SDK1: variants seen among roughly 807,000 people sequenced by gnomAD.
SDK1 encodes sidekick cell adhesion molecule 1, also known as protein sidekick-1.
Under a neutral mutation model 245.5 loss-of-function variants are expected in SDK1, and 157 were observed. The observed-to-expected ratio is 0.64, with a 90% CI of 0.56 to 0.73. SDK1 has a LOEUF of 0.73. Among genes scored for constraint, SDK1 ranks in the 30% least tolerant of loss-of-function variants. The pLI is 0.00. For missense variants in SDK1, 3,583 were observed against 3,002.3 expected (o/e 1.19, Z -4.52); for synonymous variants, 1,647 against 1,278.5 (o/e 1.29, Z -6.15).
intron 1 of SDK1, among the ~76,000 whole-genome samples, chr7:3,512,968 A>C (rs1782629341): frequency 6.6e-6 from 1 of 152,142 alleles, no homozygotes; most frequent in African/African-American, 2.4e-5. Context: ...CAATATTGCC[A>C]TTGAGATGAT....
intron 1 of SDK1, among the ~76,000 whole-genome samples, chr7:3,543,050 C>A (rs1236188291): frequency 6.6e-6 from 1 of 152,192 alleles, no homozygotes; most frequent in Non-Finnish European, 1.5e-5. Flanking sequence ...TCATCTCCAT[C>A]TGGGACAAGC....
chr7:3,940,976 G>A (rs753290971), intron 5 of SDK1, among the ~76,000 whole-genome samples: 38 of 151,824 alleles, frequency 2.5e-4, no homozygotes, highest in African/African-American at 8.9e-4. Context: ...TGGGTACCCC[G>A]CAGGCACGTC....
intron 4 of SDK1, among the ~76,000 whole-genome samples, chr7:3,714,612 C>A (rs181862381): frequency 1.1e-4 from 17 of 152,260 alleles, no homozygotes; most frequent in Non-Finnish European, 4.4e-5. Context: ...GAAAATGGTC[C>A]TGAGGCCTTC....
intron 2 of SDK1, among the ~76,000 whole-genome samples, chr7:3,627,486 T>C (rs893836019): frequency 6.6e-6 from 1 of 152,204 alleles, no homozygotes; most frequent in African/African-American, 2.4e-5. Context: ...GAGGAGATCC[T>C]GAGTTTGATT....
At chr7:3,875,900 C>T (rs75487763) in intron 5 of SDK1, among the ~76,000 whole-genome samples, 2 of 152,144 alleles carry the variant, frequency 1.3e-5, no homozygotes, top group Non-Finnish European at 2.9e-5. Flanking sequence ...CTCCTTAACT[C>T]CTACCATCAG....
At chr7:3,781,923 AC>A (rs1780757668) in intron 4 of SDK1, among the ~76,000 whole-genome samples, 2 of 152,220 alleles carry the variant, frequency 1.3e-5, no homozygotes, top group Non-Finnish European at 2.9e-5. Context: ...AGTTATGAAC[AC>A]TGTCAAGAGA....
At chr7:3,613,899 C>T (rs1163032540) in intron 1 of SDK1, among the ~76,000 whole-genome samples, 1 of 152,104 alleles carries the variant, frequency 6.6e-6, no homozygotes, top group Non-Finnish European at 1.5e-5. Flanking sequence ...ACATGTTCTC[C>T]TCCTATAAGT....
intron 4 of SDK1, among the ~76,000 whole-genome samples, chr7:3,814,193 T>C (rs1779453498): frequency 6.6e-6 from 1 of 151,594 alleles, no homozygotes; most frequent in Admixed American, 6.6e-5. Context: ...TGCCCATGCC[T>C]ATGTCCTGAA....
intron 5 of SDK1, among the ~76,000 whole-genome samples, chr7:3,913,185 C>T (rs539595848): frequency 2.6e-5 from 4 of 152,162 alleles, no homozygotes; most frequent in Admixed American, 6.5e-5. Flanking sequence ...GGAAATGCCT[C>T]CAGCTCCTGG....
intron 4 of SDK1, among the ~76,000 whole-genome samples, chr7:3,656,993 C>T (rs980091628): frequency 1.4e-4 from 22 of 151,766 alleles, no homozygotes; most frequent in African/African-American, 3.6e-4. Flanking sequence ...ATGATCCACC[C>T]GCCTCGGCCT....
At chr7:3,706,643 C>G (rs1276818259) in intron 4 of SDK1, among the ~76,000 whole-genome samples, 1 of 152,132 alleles carries the variant, frequency 6.6e-6, no homozygotes, top group Non-Finnish European at 1.5e-5. Flanking sequence ...ACCTCGTGAT[C>G]CACCCACTTT....
chr7:3,855,741 A>G (rs1043660452), intron 5 of SDK1, among the ~76,000 whole-genome samples: 4 of 152,194 alleles, frequency 2.6e-5, no homozygotes, highest in Non-Finnish European at 2.9e-5. Flanking sequence ...GAAACAAACA[A>G]AAAACTTACA....
chr7:3,970,711 T>A (rs984640664), intron 11 of SDK1, among the ~76,000 whole-genome samples: 13 of 152,230 alleles, frequency 8.5e-5, no homozygotes, highest in African/African-American at 2.9e-4. Flanking sequence ...TTTCACACAC[T>A]CTGCCCACTT....
At position 3,362,761 on chromosome 7, in the gene SDK1, T is replaced by C. The variant is rs534238832; in HGVS notation, c.298+60877T>C. On this transcript the variant is annotated intron_variant, in intron 1 of 44. Coordinates refer to ENST00000404826, the MANE Select transcript of SDK1 (RefSeq NM_152744.4). The stretch of plus-strand genomic sequence containing the variant: ...GTTTTCTTCCCGGAAGACATTTTCA[T>C]GTACCATGTAAAAGGTACTTTTTGG... 2.2e-3 allele frequency among the ~76,000 whole-genome samples: 329 copies of C among 152,328 alleles called. 5 individuals carry two copies. The highest frequency in any genetic ancestry group is 0.015 in the South Asian group (73 of 4,826).
intron 12 of SDK1, among the ~76,000 whole-genome samples, chr7:3,973,044 G>A (rs996102229): frequency 3.3e-5 from 5 of 152,040 alleles, no homozygotes; most frequent in Admixed American, 1.3e-4. Context: ...GAACCCCCTC[G>A]GATCCCTGTG....
intron 14 of SDK1, among the ~76,000 whole-genome samples, chr7:3,993,866 G>A (rs1267059631): frequency 6.6e-6 from 1 of 152,138 alleles, no homozygotes; most frequent in East Asian, 1.9e-4. Context: ...TATTGTCGTT[G>A]TTGTAAAGGA....
chr7:3,882,392 C>A (rs1368129481), intron 5 of SDK1, among the ~76,000 whole-genome samples: 4 of 152,176 alleles, frequency 2.6e-5, no homozygotes, highest in African/African-American at 7.2e-5. Context: ...CCGTATGAGC[C>A]AGGAGACCCT....
chr7:3,561,631 G>C (rs1290506246), intron 1 of SDK1, among the ~76,000 whole-genome samples: 1 of 152,122 alleles, frequency 6.6e-6, no homozygotes, highest in Non-Finnish European at 1.5e-5. Flanking sequence ...AATCAAGACT[G>C]GTTCCCTCAA....
chr7:3,962,573 C>A, intron 8 of SDK1, 84 bp from the exon 9 acceptor site: 1 of 1,177,704 alleles, frequency 8.5e-7, no homozygotes, highest in Non-Finnish European at 1.2e-6. Context: ...AAAATATTGG[C>A]ATTCTAGCCT....
Sources: gnomAD v4.1 joint callset for allele counts (sites outside exome capture counted in the v4.1 genomes callset) on GRCh38, gnomAD v4.1.1 for gene constraint, MANE v1.5 for transcripts, NCBI Gene and HGNC (gene_info 2026-07-23, HGNC 2026-07-21) for gene names.